Variants in ZC3H3 observed in about 807,000 individuals in gnomAD.
ZC3H3 encodes the protein zinc finger CCCH domain-containing protein 3.
In ZC3H3, 36 loss-of-function variants were observed where a neutral mutation model predicts 77.3. That is an observed-to-expected ratio of 0.47 (90% CI 0.36 to 0.61). The LOEUF is 0.61. Ranked by LOEUF, ZC3H3 falls within the 20% of genes least tolerant of loss-of-function variation. The pLI is 0.00. For synonymous variants in ZC3H3, 626 were observed against 555.2 expected (o/e 1.13, Z -1.79); for missense variants, 1,331 against 1,312.2 (o/e 1.01, Z -0.22).
intron 3 of ZC3H3, among the ~76,000 whole-genome samples, chr8:143,528,799 C>A (rs1402916743): frequency 6.6e-6 from 1 of 152,198 alleles, no homozygotes; most frequent in Non-Finnish European, 1.5e-5. Flanking sequence ...CCTGAGGGAG[C>A]GAGGCCCTCC....
chr8:143,535,406 G>A (rs1586970738), intron 3 of ZC3H3, among the ~76,000 whole-genome samples: 1 of 152,242 alleles, frequency 6.6e-6, no homozygotes, highest in East Asian at 1.9e-4. Flanking sequence ...AATCCCCAAC[G>A]CCCCACCTTC....
chr8:143,501,887 A>T (rs1431109756), intron 4 of ZC3H3, among the ~76,000 whole-genome samples: 3 of 152,216 alleles, frequency 2.0e-5, no homozygotes, highest in Non-Finnish European at 4.4e-5. Flanking sequence ...CCTGCTGTGG[A>T]CTGAATGTTT....
intron 9 of ZC3H3, among the ~76,000 whole-genome samples, chr8:143,456,256 A>G (rs1380828694): frequency 1.3e-5 from 2 of 152,196 alleles, no homozygotes; most frequent in Non-Finnish European, 2.9e-5. Context: ...GGAAAAAAAG[A>G]ACTAATAGAA....
chr8:143,477,933 C>T (rs942346257), intron 4 of ZC3H3, among the ~76,000 whole-genome samples: 2 of 152,186 alleles, frequency 1.3e-5, no homozygotes. Flanking sequence ...CTGCTCAGGG[C>T]CAGCCTGGAC....
chr8:143,466,733 C>T (rs1217603782), intron 8 of ZC3H3, among the ~76,000 whole-genome samples: 1 of 152,206 alleles, frequency 6.6e-6, no homozygotes. Context: ...CCCCTGCCAG[C>T]ACCCCAGGGT....
chr8:143,535,995 A>C (rs1244089902), intron 3 of ZC3H3, among the ~76,000 whole-genome samples: 5 of 152,174 alleles, frequency 3.3e-5, no homozygotes, highest in African/African-American at 1.2e-4. Context: ...CAGGAGGGAC[A>C]CAGCTGGGTC....
At chr8:143,500,008 C>T (rs547729388) in intron 4 of ZC3H3, among the ~76,000 whole-genome samples, 1 of 152,224 alleles carries the variant, frequency 6.6e-6, no homozygotes, top group South Asian at 2.1e-4. Flanking sequence ...GCTGCAAATC[C>T]CACCTTCGAC....
chr8:143,456,595 ATAG>A (rs1481009889), intron 9 of ZC3H3, among the ~76,000 whole-genome samples: 1 of 152,194 alleles, frequency 6.6e-6, no homozygotes, highest in Non-Finnish European at 1.5e-5. Context: ...TCAAGAATGC[ATAG>A]TAGGGCCACA....
At chr8:143,482,898 G>GGAGCAGGTACCGGGCCACGGGGACAC (rs1820944880) in intron 4 of ZC3H3, among the ~76,000 whole-genome samples, 1 of 152,238 alleles carries the variant, frequency 6.6e-6, no homozygotes, top group Non-Finnish European at 1.5e-5. Context: ...CAGGACCACA[G>GGAGCAGGTACCGGGCCACGGGGACAC]GAGCAGGTAC....
chr8:143,452,182 G>A (rs72691428), intron 9 of ZC3H3, among the ~76,000 whole-genome samples: 18,409 of 152,272 alleles, frequency 0.12, 1,235 homozygotes, highest in South Asian at 0.17. Context: ...CCCTGGCCAG[G>A]AGGCCCTTCC....
chr8:143,495,682 A>G (rs943639655), intron 4 of ZC3H3, among the ~76,000 whole-genome samples: 8 of 152,196 alleles, frequency 5.3e-5, no homozygotes, highest in Non-Finnish European at 1.2e-4. Flanking sequence ...CCTGGGCTCA[A>G]GCGATCCTCC....
chr8:143,504,499 T>C (rs13265427), intron 4 of ZC3H3, among the ~76,000 whole-genome samples: 28,772 of 152,158 alleles, frequency 0.19, 2,972 homozygotes, highest in Non-Finnish European at 0.24. Flanking sequence ...GTAGAGGTCC[T>C]GCCCCCTCCT....
At chr8:143,523,474 C>A in intron 3 of ZC3H3, 1 of 985,404 alleles carries the variant, frequency 1.0e-6, no homozygotes, top group African/African-American at 1.7e-5. Context: ...GGAAGACACT[C>A]CCCGCTGCAA....
chr8:143,445,102 C>T, intron 9 of ZC3H3, among the ~76,000 whole-genome samples: 1 of 152,194 alleles, frequency 6.6e-6, no homozygotes, highest in Non-Finnish European at 1.5e-5. Context: ...TAATCAAGGG[C>T]TGGGCACAGT....
chr8:143,456,902 C>T (rs150403581), intron 9 of ZC3H3, among the ~76,000 whole-genome samples: 60 of 152,170 alleles, frequency 3.9e-4, no homozygotes, highest in Non-Finnish European at 7.1e-4. Flanking sequence ...GAAAAGAATG[C>T]ACAGCAATTC....
chr8:143,474,594 C>T (rs369312762), intron 5 of ZC3H3, among the ~76,000 whole-genome samples: 14 of 152,344 alleles, frequency 9.2e-5, no homozygotes, highest in African/African-American at 2.4e-4. Flanking sequence ...CTCTGACCCC[C>T]GCAGACCCTG....
chr8:143,499,902 A>T lies in ZC3H3; in HGVS notation c.1715+7844T>A, dbSNP rs143312981. ...GCCACACCGGCCCTCACAGCCCAGG[A>T]GGCCCGCAGCAGTGCCGCCTCTCAG... On this transcript the variant is annotated intron_variant, in intron 4 of 11. Coordinates refer to ENST00000262577, the MANE Select transcript of ZC3H3 (RefSeq NM_015117.3). Among the ~76,000 whole-genome samples, 301 of 152,292 alleles carry T rather than the reference A, an allele frequency of 2.0e-3. 1 individual carries two copies. Among genetic ancestry groups the T allele is most frequent in the African/African-American group, 6.9e-3 (285 of 41,576 alleles).
intron 9 of ZC3H3, among the ~76,000 whole-genome samples, chr8:143,446,085 G>C (rs962064553): frequency 1.3e-5 from 2 of 152,144 alleles, no homozygotes; most frequent in East Asian, 1.9e-4. Context: ...GGGCTGCACC[G>C]CACACCCGCT....
Position 143,538,706 on chromosome 8 carries a change from C to G in ZC3H3, c.661G>C (p.Glu221Gln), listed in dbSNP as rs777207996. The change falls in exon 2 of 12, where the codon GAG (glutamate) becomes CAG (glutamine). Residue 221 changes from glutamate to glutamine, a missense_variant. Glu to Gln is a conservative substitution (Grantham distance 29). This residue lies in a region of ZC3H3 where 978 missense variants were observed against 915.5 expected (regional missense o/e 1.07). Coordinates refer to ENST00000262577, the MANE Select transcript of ZC3H3 (RefSeq NM_015117.3). ...CTCGCCTTGACGGCAATCACACTCT[C>G]ACTGACTGTCCGGCGGGGCTCCCGG... ...SPREPRRTVS[E>Q]SVIAVKASFP... is the part of the protein sequence containing the mutation. 6.2e-7 allele frequency: 1 copy of G among 1,608,622 alleles called. No homozygotes were observed. The highest frequency in any genetic ancestry group is 8.5e-7 in the Non-Finnish European group (1 of 1,179,878).
Sources: gnomAD v4.1 joint callset for allele counts (sites outside exome capture counted in the v4.1 genomes callset) on GRCh38, gnomAD v4.1.1 for gene constraint, gnomAD v4.1.1 regional missense constraint, MANE v1.5 for transcripts, NCBI Gene and HGNC (gene_info 2026-07-23, HGNC 2026-07-21) for gene names.